SPOCK3: variants seen among roughly 807,000 people sequenced by gnomAD.
SPOCK3 encodes testican-3.
In SPOCK3, 30 loss-of-function variants were observed where a neutral mutation model predicts 56.6. The ratio of observed to expected loss-of-function variants is 0.53; its 90% CI spans 0.40 to 0.72. SPOCK3 has a LOEUF of 0.72. SPOCK3 is among the 30% of genes least tolerant of loss of function. The probability of loss-of-function intolerance (pLI) is 0.00; values close to 1 mark genes in which losing one functional copy is unlikely to be tolerated. For missense variants in SPOCK3, 527 were observed against 530.0 expected, an observed-to-expected ratio of 0.99 and a Z score of 0.06; for synonymous variants, 196 against 183.3, an observed-to-expected ratio of 1.07 and a Z score of -0.56.
At chr4:167,126,779 C>A (rs1762322158) in intron 2 of SPOCK3, among the ~76,000 whole-genome samples, 1 of 152,120 alleles carries the variant, frequency 6.6e-6, no homozygotes. Flanking sequence ...GTAACACCAG[C>A]AAAATCTGTT....
intron 8 of SPOCK3, among the ~76,000 whole-genome samples, chr4:166,750,957 G>C (rs1265836852): frequency 6.6e-6 from 1 of 152,100 alleles, no homozygotes; most frequent in Non-Finnish European, 1.5e-5. Flanking sequence ...TGGCTGCACA[G>C]GCTGTGTACT....
chr4:167,093,755 A>G (rs1161437233), intron 2 of SPOCK3, among the ~76,000 whole-genome samples: 1 of 152,100 alleles, frequency 6.6e-6, no homozygotes, highest in African/African-American at 2.4e-5. Context: ...AATAAACATA[A>G]GTGTGTGTGT....
intron 4 of SPOCK3, among the ~76,000 whole-genome samples, chr4:166,963,119 A>G (rs570034100): frequency 1.3e-5 from 2 of 152,032 alleles, no homozygotes; most frequent in African/African-American, 4.8e-5. Flanking sequence ...TTAATTCCTG[A>G]TTTTTTTAAG....
At chr4:166,909,052 A>G (rs1736958297) in intron 5 of SPOCK3, among the ~76,000 whole-genome samples, 1 of 152,122 alleles carries the variant, frequency 6.6e-6, no homozygotes, top group Admixed American at 6.6e-5. Flanking sequence ...GAAAGTAAAT[A>G]ATTTTTCTTA....
intron 2 of SPOCK3, among the ~76,000 whole-genome samples, chr4:167,218,724 T>A (rs2111083918): frequency 6.6e-6 from 1 of 152,218 alleles, no homozygotes; most frequent in South Asian, 2.1e-4. Flanking sequence ...CTTCCCATTT[T>A]AAAAAATTTT....
intron 2 of SPOCK3, among the ~76,000 whole-genome samples, chr4:167,126,376 C>T (rs538340629): frequency 1.2e-4 from 18 of 152,088 alleles, no homozygotes; most frequent in African/African-American, 3.1e-4. Context: ...GGCAAAACCC[C>T]GTCTCTACTA....
chr4:167,029,988 A>T (rs13124292), intron 3 of SPOCK3, among the ~76,000 whole-genome samples: 54,935 of 151,800 alleles, frequency 0.36, 12,309 homozygotes, highest in African/African-American at 0.64. Flanking sequence ...TGTTCTTCAG[A>T]ATCACATAGT....
chr4:166,975,857 T>A (rs1387498546), intron 4 of SPOCK3, among the ~76,000 whole-genome samples: 2 of 152,164 alleles, frequency 1.3e-5, no homozygotes, highest in African/African-American at 4.8e-5. Flanking sequence ...CAGTATTTTT[T>A]TATGGCTTAC....
intron 2 of SPOCK3, among the ~76,000 whole-genome samples, chr4:167,187,154 T>C (rs1464431929): frequency 6.6e-6 from 1 of 152,176 alleles, no homozygotes; most frequent in Non-Finnish European, 1.5e-5. Flanking sequence ...CATCTCATTT[T>C]TCATGGTGAC....
intron 4 of SPOCK3, among the ~76,000 whole-genome samples, chr4:166,999,614 C>CT (rs1561102627): frequency 2.0e-5 from 3 of 152,084 alleles, no homozygotes. Context: ...CAAAAAATAA[C>CT]TTTAAAAATG....
At chr4:167,091,082 C>G (rs1311280366) in intron 2 of SPOCK3, among the ~76,000 whole-genome samples, 4 of 152,084 alleles carry the variant, frequency 2.6e-5, no homozygotes, top group African/African-American at 9.7e-5. Context: ...TTAATGATAG[C>G]TAAGTACAAC....
intron 4 of SPOCK3, among the ~76,000 whole-genome samples, chr4:166,925,737 G>T (rs1739020513): frequency 6.6e-6 from 1 of 151,700 alleles, no homozygotes; most frequent in African/African-American, 2.4e-5. Flanking sequence ...CTCAATCTTG[G>T]ACTTGAGAGT....
chr4:167,048,712 G>A (rs551765244), intron 3 of SPOCK3, among the ~76,000 whole-genome samples: 25 of 152,310 alleles, frequency 1.6e-4, no homozygotes, highest in African/African-American at 6.0e-4. Context: ...TGATTAAGTG[G>A]AAGGATCCAG....
At chr4:166,998,640 C>T (rs780923253) in intron 4 of SPOCK3, among the ~76,000 whole-genome samples, 10 of 152,060 alleles carry the variant, frequency 6.6e-5, no homozygotes, top group African/African-American at 2.2e-4. Context: ...ATATTAACTG[C>T]GACGTCTTTG....
chr4:167,220,208 T>C (rs1735765799), intron 2 of SPOCK3, among the ~76,000 whole-genome samples: 2 of 152,084 alleles, frequency 1.3e-5, no homozygotes, highest in South Asian at 4.1e-4. Context: ...AAATAATTCC[T>C]TTTTCCATTT....
intron 4 of SPOCK3, 81 bp from the exon 5 acceptor site, chr4:166,912,824 T>C (rs1355086995): frequency 3.3e-6 from 4 of 1,195,254 alleles, no homozygotes; most frequent in Non-Finnish European, 4.5e-6. Flanking sequence ...TCTCCTAAAC[T>C]GCCATTCCAA....
At chr4:167,117,208 T>C (rs1761500736) in intron 2 of SPOCK3, among the ~76,000 whole-genome samples, 1 of 151,890 alleles carries the variant, frequency 6.6e-6, no homozygotes, top group Non-Finnish European at 1.5e-5. Flanking sequence ...TGTGAAACTA[T>C]TACATATCCA....
intron 2 of SPOCK3, among the ~76,000 whole-genome samples, chr4:167,215,188 T>C (rs1457480618): frequency 6.6e-6 from 1 of 152,106 alleles, no homozygotes; most frequent in Non-Finnish European, 1.5e-5. Context: ...TGTTGTATTA[T>C]CAACTAATAA....
At chr4:166,790,430 G>T (rs1318091189) in intron 7 of SPOCK3, among the ~76,000 whole-genome samples, 1 of 152,144 alleles carries the variant, frequency 6.6e-6, no homozygotes, top group Non-Finnish European at 1.5e-5. Flanking sequence ...GCCATTTCTT[G>T]TCTGTGGATT....
Sources: gnomAD v4.1 joint callset for allele counts (sites outside exome capture counted in the v4.1 genomes callset) on GRCh38, gnomAD v4.1.1 for gene constraint, MANE v1.5 for transcripts, NCBI Gene and HGNC (gene_info 2026-07-23, HGNC 2026-07-21) for gene names.